PLOD1: variants seen among roughly 807,000 people sequenced by gnomAD.
PLOD1 encodes lysine hydroxylase.
In PLOD1, 70 loss-of-function variants were observed where a neutral mutation model predicts 94.7. That is an observed-to-expected ratio of 0.74 (90% CI 0.61 to 0.90). The LOEUF (loss-of-function observed/expected upper bound fraction) is 0.90. Among genes scored for constraint, PLOD1 ranks in the 40% least tolerant of loss-of-function variants. PLOD1 has a pLI of 0.00. For missense variants in PLOD1, 905 were observed against 972.7 expected (o/e 0.93, Z 0.93); for synonymous variants, 417 against 400.2 (o/e 1.04, Z -0.50).
At chr1:11,935,158 A>G (rs80242982) in intron 1 of PLOD1, among the ~76,000 whole-genome samples, 5,560 of 152,314 alleles carry the variant, frequency 0.037, 304 homozygotes, top group African/African-American at 0.13. Context: ...ACTATGGGCC[A>G]GGCATCAGTT....
chr1:11,975,116 C>G lies in PLOD1; in HGVS notation c.*308C>G, dbSNP rs886045213. 1.2e-4 allele frequency: 52 copies of G among 449,862 alleles called. No individual in the cohort carries two copies. Among genetic ancestry groups the G allele is most frequent in the Admixed American group, 3.4e-5 (1 of 29,118 alleles). The allele number at this position is 449,862 out of a possible 1,614,324, so 27.9% of individuals were successfully genotyped here. On this transcript the variant is annotated 3_prime_UTR_variant, in exon 19 of 19. Coordinates refer to ENST00000196061, the MANE Select transcript of PLOD1 (RefSeq NM_000302.4). ...CTGAAAAACCAAGGCCCCCTTCCCCCACCTCTTCCATGGGGTGAGACTTGA... is the reference window on the plus strand; with the variant it reads ...CTGAAAAACCAAGGCCCCCTTCCCCGACCTCTTCCATGGGGTGAGACTTGA...
intron 5 of PLOD1, among the ~76,000 whole-genome samples, chr1:11,953,491 C>T (rs1157372907): frequency 2.0e-5 from 3 of 151,844 alleles, no homozygotes; most frequent in African/African-American, 7.3e-5. Flanking sequence ...TTGTTTTTTC[C>T]GTTATGAAAT....
chr1:11,958,712 A>G lies in PLOD1; in HGVS notation c.975+65A>G. 1 of 1,595,806 alleles carries G rather than the reference A, an allele frequency of 6.3e-7. No individual in the cohort carries two copies. Among genetic ancestry groups the G allele is most frequent in the Non-Finnish European group, 8.6e-7 (1 of 1,166,330 alleles). ...GATCCAGGGCCCAGCTTCACAAGGT[A>G]GCCCGAGACCTCTGAGGGTCTCACC... On this transcript the variant is annotated intron_variant, in intron 9 of 18. Coordinates refer to ENST00000196061, the MANE Select transcript of PLOD1 (RefSeq NM_000302.4). The surrounding 1 kb of genome is among the most constrained non-coding windows in gnomAD (Gnocchi z 4.3).
In PLOD1 at chr1:11,974,800, G is replaced by A. The variant is rs774611185; in HGVS notation, c.2176G>A (p.Asp726Asn). Reference sequence around the variant, plus strand: ...CCGCTACATCGCAGTCTCCTTCGTCGATCCCTAATTGGCCAGGCCTGACCC... The same window carrying A: ...CCGCTACATCGCAGTCTCCTTCGTCAATCCCTAATTGGCCAGGCCTGACCC... ...GTRYIAVSFV[D>N]P The change falls in exon 19 of 19, where the codon GAT becomes AAT. Residue 726 changes from aspartate to asparagine, a missense_variant. Transcript: ENST00000196061. 10 of 1,614,078 alleles carry A rather than the reference G, an allele frequency of 6.2e-6. No individual in the cohort carries two copies. Among genetic ancestry groups the A allele is most frequent in the East Asian group, 2.2e-5 (1 of 44,876 alleles).
Position 11,953,788 on chromosome 1 carries a change from A to G in PLOD1, c.580-1042A>G, listed in dbSNP as rs181627432. Among the ~76,000 whole-genome samples the G allele has an allele frequency of 1.7e-4, 26 of 151,796 alleles. No homozygotes were observed. In the East Asian group the frequency reaches 5.1e-3, roughly 30 times the overall value. ...GCCTGGGTGACAAGAGCCAGACTCCATCTCAAAAAAAAAAGCAATAATGAT... is the reference window on the plus strand; with the variant it reads ...GCCTGGGTGACAAGAGCCAGACTCCGTCTCAAAAAAAAAAGCAATAATGAT... On this transcript the variant is annotated intron_variant, in intron 5 of 18. Transcript: ENST00000196061.
intron 6 of PLOD1, among the ~76,000 whole-genome samples, chr1:11,955,373 T>C (rs2100749190): frequency 6.6e-6 from 1 of 152,344 alleles, no homozygotes; most frequent in Middle Eastern, 3.4e-3. Flanking sequence ...GGTCTTCCTG[T>C]CTTCCTGAGT....
At chr1:11,950,291 T>C (rs1338486823) in intron 3 of PLOD1, 66 bp from the exon 4 acceptor site, 1 of 1,496,372 alleles carries the variant, frequency 6.7e-7, no homozygotes, top group Non-Finnish European at 9.3e-7. Context: ...GTCCCTCCTG[T>C]CTGTGCCCTC....
chr1:11,974,221 GTC>G (rs745995826), intron 18 of PLOD1, among the ~76,000 whole-genome samples: 69 of 150,954 alleles, frequency 4.6e-4, no homozygotes, highest in Non-Finnish European at 9.7e-4. Flanking sequence ...TTTTGAGACA[GTC>G]TCATTCTGTT....
intron 16 of PLOD1, among the ~76,000 whole-genome samples, chr1:11,967,906 C>T (rs938728547): frequency 2.7e-5 from 4 of 150,206 alleles, no homozygotes; most frequent in African/African-American, 9.8e-5. Flanking sequence ...TGTGCCACCA[C>T]GCCCAGCTAA....
Position 11,954,592 on chromosome 1 carries a change from T to C in PLOD1, c.580-238T>C, listed in dbSNP as rs774044848. The C allele has an allele frequency of 4.4e-5, 33 of 755,880 alleles. No homozygotes were observed. In the Middle Eastern group the frequency reaches 2.8e-3, roughly 64 times the overall value. The allele number at this position is 755,880 out of a possible 1,614,324, so 46.8% of individuals were successfully genotyped here. A position where few individuals can be genotyped will look rare whatever the true frequency, so the allele number is the denominator to read the frequency against. ...GTTGTAGGTGAGCCGGCTGCATTCTTAGATTCCTTCCAGTTCAGAGTCCCT... is the reference window on the plus strand; with the variant it reads ...GTTGTAGGTGAGCCGGCTGCATTCTCAGATTCCTTCCAGTTCAGAGTCCCT... On this transcript the variant is annotated intron_variant, in intron 5 of 18. Coordinates refer to ENST00000196061, the MANE Select transcript of PLOD1 (RefSeq NM_000302.4).
rs1187931958 is a variant in PLOD1 at position 11,963,261 on chromosome 1, G to A, written c.1098-271G>A. Among the ~76,000 whole-genome samples the A allele has an allele frequency of 6.6e-6, 1 of 152,136 alleles. No individual in the cohort carries two copies. The highest frequency in any genetic ancestry group is 1.5e-5 in the Non-Finnish European group (1 of 68,024). ...AGCCCCAGCTTACTCCCCACCCTGG[G>A]CCATGTAGGCACCTGTGGGCTGTGT... On this transcript the variant is annotated intron_variant, in intron 10 of 18. Transcript: ENST00000196061. The surrounding 1 kb of genome is among the most constrained non-coding windows in gnomAD (Gnocchi z 4.3).
intron 5 of PLOD1, chr1:11,954,194 G>GT: frequency 6.4e-6 from 1 of 156,308 alleles, no homozygotes; most frequent in South Asian, 1.4e-4. Flanking sequence ...TAGCGGCCAG[G>GT]TGCGGTGGCT....
At chr1:11,970,846 C>G (rs749130059) in intron 17 of PLOD1, 30 bp downstream of exon 17, 3 of 1,269,810 alleles carry the variant, frequency 2.4e-6, no homozygotes, top group Non-Finnish European at 3.1e-6. Context: ...AGCCAGGATG[C>G]GGGGACAGTT....
At chr1:11,945,425 C>CAAA (rs58172342) in intron 1 of PLOD1, among the ~76,000 whole-genome samples, 3 of 144,934 alleles carry the variant, frequency 2.1e-5, no homozygotes, top group African/African-American at 5.0e-5. Flanking sequence ...GATTGGGTCT[C>CAAA]AAAAAAAAAA....
At chr1:11,950,990 C>T (rs148816013) in intron 4 of PLOD1, among the ~76,000 whole-genome samples, 13 of 152,114 alleles carry the variant, frequency 8.5e-5, no homozygotes, top group African/African-American at 1.7e-4. Flanking sequence ...GATGGGGTAT[C>T]GCCATGTTGG....
Position 11,974,430 on chromosome 1 carries a change from G to A in PLOD1, c.2029-223G>A, listed in dbSNP as rs1036182198. Among the ~76,000 whole-genome samples, 9 of 152,236 alleles carry A rather than the reference G, an allele frequency of 5.9e-5. No homozygotes were observed. In the South Asian group the frequency reaches 6.2e-4, roughly 11 times the overall value. On this transcript the variant is annotated intron_variant, in intron 18 of 18. Coordinates refer to ENST00000196061, the MANE Select transcript of PLOD1 (RefSeq NM_000302.4). ...ACTCCTGACCTCAGGTGGTCCACCC[G>A]CCTTGGCCTGCCAAAGTGCTGGGAT...
At chr1:11,970,562 G>T in intron 16 of PLOD1, 108 bp from the exon 17 acceptor site, 1 of 1,005,600 alleles carries the variant, frequency 9.9e-7, no homozygotes, top group African/African-American at 1.6e-5. Context: ...GTTCAGTTTT[G>T]TCATGTAATG....
intron 10 of PLOD1, among the ~76,000 whole-genome samples, chr1:11,962,274 C>CTTTTTTTTTTTTTT (rs780613164): frequency 1.0e-5 from 1 of 99,088 alleles, no homozygotes; most frequent in Non-Finnish European, 1.9e-5. Flanking sequence ...TTTTTGTTTT[C>CTTTTTTTTTTTTTT]TTTTTTTTTT....
intron 10 of PLOD1, among the ~76,000 whole-genome samples, chr1:11,962,031 C>T (rs1021435161): frequency 1.3e-5 from 2 of 152,126 alleles, no homozygotes; most frequent in South Asian, 2.1e-4. Context: ...TCAAGTGATC[C>T]GCCCGCCTTG....
Sources: gnomAD v4.1 joint callset for allele counts (sites outside exome capture counted in the v4.1 genomes callset) on GRCh38, gnomAD v4.1.1 for gene constraint, Gnocchi (gnomAD v3.1) non-coding constraint, MANE v1.5 for transcripts, NCBI Gene and HGNC (gene_info 2026-07-23, HGNC 2026-07-21) for gene names.